Variants in COL4A4 observed in about 807,000 individuals in gnomAD.
COL4A4 encodes the protein collagen type IV alpha 4 chain.
COL4A4 carries 105 observed loss-of-function variants against 192.9 expected under a neutral mutation model. The observed-to-expected ratio is 0.54, with a 90% CI of 0.46 to 0.64. COL4A4 has a LOEUF of 0.64. COL4A4 is among the 30% of genes least tolerant of loss of function. The pLI is 0.00. For synonymous variants in COL4A4, 762 were observed against 769.9 expected (o/e 0.99, Z 0.17); for missense variants, 1,967 against 2,169.3 (o/e 0.91, Z 1.85).
intron 23 of COL4A4, among the ~76,000 whole-genome samples, chr2:227,081,897 G>A (rs1475392191): frequency 6.6e-6 from 1 of 152,216 alleles, no homozygotes; most frequent in Non-Finnish European, 1.5e-5. Flanking sequence ...AGATGTGAAT[G>A]TGTGGCTAAA....
chr2:227,033,995 G>A (rs114529243), intron 37 of COL4A4, among the ~76,000 whole-genome samples: 2,068 of 152,346 alleles, frequency 0.014, 52 homozygotes, highest in African/African-American at 0.047. Context: ...CTTGCCCTGC[G>A]ATGCTCAGGC....
chr2:227,022,419 G>GA, intron 43 of COL4A4: 1 of 717,940 alleles, frequency 1.4e-6, no homozygotes, highest in Non-Finnish European at 2.6e-6. Context: ...CCGAATGAGT[G>GA]AATGGAGTAT....
chr2:227,061,204 G>C (rs1179378973), intron 26 of COL4A4, among the ~76,000 whole-genome samples: 1 of 152,152 alleles, frequency 6.6e-6, no homozygotes, highest in Non-Finnish European at 1.5e-5. Flanking sequence ...CCCATGACCA[G>C]TAAAAGTAAA....
intron 7 of COL4A4, among the ~76,000 whole-genome samples, chr2:227,117,597 C>A (rs1234864592): frequency 1.3e-5 from 2 of 150,458 alleles, no homozygotes; most frequent in Non-Finnish European, 3.0e-5. Flanking sequence ...AGAAAACTTT[C>A]TAGAAAGAAA....
chr2:227,012,779 TGCA>T (rs1434385945), intron 44 of COL4A4, among the ~76,000 whole-genome samples: 1 of 152,168 alleles, frequency 6.6e-6, no homozygotes, highest in East Asian at 1.9e-4. Flanking sequence ...GCATGATAGG[TGCA>T]GCAATTTTTT....
At chr2:227,025,940 C>T (rs1420644926) in intron 42 of COL4A4, 130 bp from the exon 43 acceptor site, 2 of 770,554 alleles carry the variant, frequency 2.6e-6, no homozygotes, top group African/African-American at 1.7e-5. Context: ...GAGGCAGCAT[C>T]AATGACAAGC....
chr2:226,988,695 C>T, the COL4A4 span: 69 of 972,120 alleles, frequency 7.1e-5, no homozygotes, highest in East Asian at 5.5e-3. Context: ...CTTTTTCTAT[C>T]ATTTTACAGA....
chr2:227,159,670 T>G (rs1243614187), intron 1 of COL4A4, among the ~76,000 whole-genome samples: 2 of 152,130 alleles, frequency 1.3e-5, no homozygotes, highest in African/African-American at 4.8e-5. Flanking sequence ...TCTCATGAGA[T>G]CTGATGGTTT....
At chr2:227,119,256 A>G in intron 6 of COL4A4, among the ~76,000 whole-genome samples, 1 of 151,982 alleles carries the variant, frequency 6.6e-6, no homozygotes, top group Non-Finnish European at 1.5e-5. Context: ...CTTTCCAAGT[A>G]AAGTGTTTTG....
intron 8 of COL4A4, among the ~76,000 whole-genome samples, chr2:227,112,801 A>G (rs548886038): frequency 7.9e-5 from 12 of 152,212 alleles, no homozygotes; most frequent in Non-Finnish European, 1.6e-4. Context: ...TTTTCTATAT[A>G]AGTGAAATCA....
intron 17 of COL4A4, 46 bp downstream of exon 17, chr2:227,101,458 G>T: frequency 1.4e-6 from 2 of 1,383,566 alleles, no homozygotes; most frequent in South Asian, 1.3e-5. Context: ...TAATATTAAG[G>T]ATATAAACTT....
At position 227,103,126 on chromosome 2, in the gene COL4A4, G is replaced by T. The variant is rs757340940; in HGVS notation, c.870+18C>A. ...ACATCACACAAATGAAAAAAAAAAAGGTACTTAAATAAACTACCTTGCGTC... is the reference window on the plus strand; with the variant it reads ...ACATCACACAAATGAAAAAAAAAAATGTACTTAAATAAACTACCTTGCGTC... On this transcript the variant is annotated intron_variant, in intron 14 of 47. Transcript: ENST00000396625. 1 of 1,588,054 alleles carries T rather than the reference G, an allele frequency of 6.3e-7. No individual in the cohort carries two copies. The highest frequency in any genetic ancestry group is 8.6e-7 in the Non-Finnish European group (1 of 1,166,422).
chr2:227,140,760 G>T (rs1576816879), intron 3 of COL4A4, among the ~76,000 whole-genome samples: 3 of 151,958 alleles, frequency 2.0e-5, no homozygotes, highest in Admixed American at 1.3e-4. Flanking sequence ...CCTACAATTT[G>T]CTGAGACTCC....
At chr2:227,149,419 C>T (rs886945394) in intron 1 of COL4A4, among the ~76,000 whole-genome samples, 2 of 152,118 alleles carry the variant, frequency 1.3e-5, no homozygotes, top group Non-Finnish European at 2.9e-5. Context: ...GCCAGTAAAG[C>T]CCCTTCCTCA....
At chr2:227,113,115 T>G (rs1576606189) in intron 8 of COL4A4, among the ~76,000 whole-genome samples, 2 of 152,320 alleles carry the variant, frequency 1.3e-5, no homozygotes, top group East Asian at 3.9e-4. Flanking sequence ...ATTCTATGTT[T>G]AATTTACTGA....
rs147998031 is a variant in COL4A4, at chr2:227,079,316, A to G, written c.1803+1127T>C. Among the ~76,000 whole-genome samples the G allele has an allele frequency of 5.3e-5, 8 of 152,344 alleles. No individual in the cohort carries two copies. In the East Asian group the frequency reaches 1.3e-3, roughly 26 times the overall value. ...AAATTCGTCTCCTAGTTTGATCTAT[A>G]TAGACGCTGCTTTTTCACAATTAGA... On this transcript the variant is annotated intron_variant, in intron 24 of 47. Coordinates refer to ENST00000396625, the MANE Select transcript of COL4A4 (RefSeq NM_000092.5).
chr2:227,007,984 A>C, intron 47 of COL4A4, 34 bp downstream of exon 47: 1 of 1,602,164 alleles, frequency 6.2e-7, no homozygotes, highest in South Asian at 1.1e-5. Context: ...GGAAATGGTG[A>C]ATGAGCCAGG....
Position 227,007,227 on chromosome 2 carries a change from G to T in COL4A4, c.*98C>A. 1.3e-6 allele frequency: 2 copies of T among 1,536,244 alleles called. No individual in the cohort carries two copies. The highest frequency in any genetic ancestry group is 1.8e-6 in the Non-Finnish European group (2 of 1,110,048). ...AAACAGAAGGAACCACTGAAAGGGA[G>T]TCCAAAATGAGCACCATGACATCTC... On this transcript the variant is annotated 3_prime_UTR_variant, in exon 48 of 48. Transcript: ENST00000396625.
intron 10 of COL4A4, 173 bp from the exon 11 acceptor site, chr2:227,109,041 C>T: frequency 1.1e-6 from 1 of 882,586 alleles, no homozygotes; most frequent in East Asian, 2.4e-5. Flanking sequence ...ATGTCAGTGG[C>T]TCATCCGCAG....
Sources: gnomAD v4.1 joint callset for allele counts (sites outside exome capture counted in the v4.1 genomes callset) on GRCh38, gnomAD v4.1.1 for gene constraint, MANE v1.5 for transcripts, NCBI Gene and HGNC (gene_info 2026-07-23, HGNC 2026-07-21) for gene names.